RFX3: variants seen among roughly 807,000 people sequenced by gnomAD.
The protein encoded by RFX3 is regulatory factor X3.
RFX3 carries 14 observed loss-of-function variants against 98.6 expected under a neutral mutation model. The observed-to-expected ratio is 0.14, with a 90% CI of 0.09 to 0.22. RFX3 has a LOEUF of 0.22. Ranked by LOEUF, RFX3 falls within the 10% of genes least tolerant of loss-of-function variation. The pLI, the probability that RFX3 is intolerant of heterozygous loss-of-function variation, is 1.00. For missense variants in RFX3, 639 were observed against 926.9 expected, an observed-to-expected ratio of 0.69 and a Z score of 4.03; for synonymous variants, 383 against 328.4, an observed-to-expected ratio of 1.17 and a Z score of -1.80.
rs181101973 is a variant in RFX3 at position 3,440,923 on chromosome 9, C to A, written c.-8-45327G>T. On this transcript the variant is annotated intron_variant, in intron 1 of 16. Coordinates refer to ENST00000617270, the MANE Select transcript of RFX3 (RefSeq NM_001282116.2). ...TGAAATGGAATACAGAATTTCAAAA[C>A]TGACCCATATATAAATGATAACCAA... is the stretch of plus-strand genomic sequence containing the variant. Among the ~76,000 whole-genome samples the A allele has an allele frequency of 3.2e-3, 481 of 152,268 alleles. 2 individuals carry two copies. Among genetic ancestry groups the A allele is most frequent in the Non-Finnish European group, 5.0e-3 (343 of 68,008 alleles).
chr9:3,524,403 C>G (rs1819008298), intron 1 of RFX3: 2 of 543,906 alleles, frequency 3.7e-6, no homozygotes, highest in Non-Finnish European at 4.7e-6. Context: ...CAAAGAAAAT[C>G]AAAAAGTAAA....
intron 1 of RFX3, among the ~76,000 whole-genome samples, chr9:3,505,213 AAT>A (rs1330872447): frequency 3.2e-5 from 2 of 62,992 alleles, no homozygotes; most frequent in African/African-American, 2.0e-4. Flanking sequence ...TATATATATG[AAT>A]ATATATTTAT....
At chr9:3,270,106 GAAAGAAAGAAAGAAAGAAA>G (rs1563833499) in intron 11 of RFX3, among the ~76,000 whole-genome samples, 3 of 25,784 alleles carry the variant, frequency 1.2e-4, no homozygotes, top group Non-Finnish European at 5.7e-4. Context: ...AAGAAAGAAA[GAAAGAAAGAAAGAAAGAAA>G]GGAAAGAAAG....
At chr9:3,263,331 T>C (rs1313548454) in intron 12 of RFX3, among the ~76,000 whole-genome samples, 2 of 152,186 alleles carry the variant, frequency 1.3e-5, no homozygotes, top group African/African-American at 4.8e-5. Flanking sequence ...CATCTGAGCG[T>C]AGCATTAATT....
At chr9:3,477,200 T>C (rs1349287650) in intron 1 of RFX3, among the ~76,000 whole-genome samples, 1 of 152,196 alleles carries the variant, frequency 6.6e-6, no homozygotes, top group East Asian at 1.9e-4. Flanking sequence ...GACATGGATT[T>C]AGAGCCTATC....
intron 9 of RFX3, 147 bp from the exon 10 acceptor site, chr9:3,271,265 A>G: frequency 1.7e-6 from 1 of 576,140 alleles, no homozygotes; most frequent in Non-Finnish European, 3.0e-6. Context: ...ATTTTACCAA[A>G]GGAAGTGGAA....
At chr9:3,484,360 T>C (rs568465574) in intron 1 of RFX3, among the ~76,000 whole-genome samples, 2 of 152,178 alleles carry the variant, frequency 1.3e-5, no homozygotes, top group Non-Finnish European at 2.9e-5. Flanking sequence ...AGCTAGCTAG[T>C]GTATGAAATA....
chr9:3,480,215 G>A (rs1849620177), intron 1 of RFX3, among the ~76,000 whole-genome samples: 2 of 152,254 alleles, frequency 1.3e-5, no homozygotes, highest in East Asian at 1.9e-4. Flanking sequence ...TCATACTACT[G>A]CTTTCAGCCA....
At chr9:3,468,815 G>GAAAAAAAAAAAAAAAAA (rs34057815) in intron 1 of RFX3, among the ~76,000 whole-genome samples, 5 of 84,270 alleles carry the variant, frequency 5.9e-5, no homozygotes, top group African/African-American at 1.2e-4. Flanking sequence ...TTTTCCTTTT[G>GAAAAAAAAAAAAAAAAA]AAAAAAAAAA....
chr9:3,497,672 T>A (rs1851210084), intron 1 of RFX3, among the ~76,000 whole-genome samples: 2 of 151,762 alleles, frequency 1.3e-5, no homozygotes, highest in Non-Finnish European at 2.9e-5. Context: ...ATACACCACT[T>A]AATCACTGAC....
chr9:3,307,744 C>T (rs1004561866), intron 4 of RFX3, among the ~76,000 whole-genome samples: 2 of 152,138 alleles, frequency 1.3e-5, no homozygotes, highest in African/African-American at 4.8e-5. Context: ...TCTAAGAATA[C>T]AGATCATTTT....
intron 1 of RFX3, among the ~76,000 whole-genome samples, chr9:3,447,631 T>A (rs1310685035): frequency 6.6e-6 from 1 of 152,224 alleles, no homozygotes; most frequent in Non-Finnish European, 1.5e-5. Context: ...TATCACATTG[T>A]GATCTTTCAA....
At chr9:3,371,522 G>T (rs1837854453) in intron 2 of RFX3, among the ~76,000 whole-genome samples, 1 of 152,058 alleles carries the variant, frequency 6.6e-6, no homozygotes, top group African/African-American at 2.4e-5. Flanking sequence ...CTATTCAAAT[G>T]ATGATAATTA....
chr9:3,434,353 C>G (rs781295012), intron 1 of RFX3, among the ~76,000 whole-genome samples: 2 of 152,084 alleles, frequency 1.3e-5, no homozygotes, highest in Non-Finnish European at 2.9e-5. Flanking sequence ...TAAGGCTCAT[C>G]CTTATGTTCA....
intron 1 of RFX3, among the ~76,000 whole-genome samples, chr9:3,412,626 G>C (rs763077665): frequency 1.3e-5 from 2 of 152,136 alleles, no homozygotes; most frequent in South Asian, 2.1e-4. Context: ...TGAAGCTTAG[G>C]GTAGTTTCAG....
intron 2 of RFX3, among the ~76,000 whole-genome samples, chr9:3,392,401 C>T (rs945500611): frequency 1.1e-4 from 17 of 148,146 alleles, no homozygotes; most frequent in Non-Finnish European, 2.2e-4. Context: ...CATGATATTA[C>T]GAAAAGGAAC....
At chr9:3,474,503 G>A (rs12336086) in intron 1 of RFX3, among the ~76,000 whole-genome samples, 4 of 152,100 alleles carry the variant, frequency 2.6e-5, no homozygotes, top group Non-Finnish European at 4.4e-5. Flanking sequence ...AGACTTCCCC[G>A]AAACACAAAC....
intron 1 of RFX3, among the ~76,000 whole-genome samples, chr9:3,488,255 C>T (rs1198112526): frequency 6.6e-6 from 1 of 152,090 alleles, no homozygotes; most frequent in East Asian, 1.9e-4. Flanking sequence ...AGCTCATTTC[C>T]TATTACTTTA....
chr9:3,374,214 G>A (rs942357954), intron 2 of RFX3, among the ~76,000 whole-genome samples: 10 of 152,218 alleles, frequency 6.6e-5, no homozygotes, highest in African/African-American at 2.2e-4. Flanking sequence ...GAACCCTTGC[G>A]CTCTGTTGGT....
Sources: allele counts gnomAD v4.1 joint callset (sites outside exome capture counted in the v4.1 genomes callset), GRCh38; gene constraint gnomAD v4.1.1; transcripts MANE v1.5; gene names NCBI Gene and HGNC (gene_info 2026-07-23, HGNC 2026-07-21).